Variants in CSMD3 observed in about 807,000 individuals in gnomAD.
CSMD3 encodes CUB and sushi domain-containing protein 3.
Under a neutral mutation model 435.2 loss-of-function variants are expected in CSMD3, and 177 were observed. That is an observed-to-expected ratio of 0.41 (90% CI 0.36 to 0.46). The LOEUF is 0.46. CSMD3 is among the 20% of genes least tolerant of loss of function. The probability of loss-of-function intolerance (pLI) is 0.34; values close to 1 mark genes in which losing one functional copy is unlikely to be tolerated. For synonymous variants in CSMD3, 1,656 were observed against 1,520.5 expected (o/e 1.09, Z -2.07); for missense variants, 4,265 against 4,504.6 (o/e 0.95, Z 1.52).
At chr8:112,390,376 G>A (rs1830309985) in intron 36 of CSMD3, among the ~76,000 whole-genome samples, 3 of 152,146 alleles carry the variant, frequency 2.0e-5, no homozygotes, top group African/African-American at 2.4e-5. Context: ...AATAACGTGG[G>A]TGAGGAAAGA....
At chr8:112,891,545 C>G (rs1396582601) in intron 10 of CSMD3, among the ~76,000 whole-genome samples, 7 of 151,384 alleles carry the variant, frequency 4.6e-5, no homozygotes, top group Admixed American at 4.6e-4. Flanking sequence ...TTCTGATTTT[C>G]CAGGTATCAG....
At chr8:112,900,540 C>T (rs557142824) in intron 10 of CSMD3, among the ~76,000 whole-genome samples, 1 of 151,330 alleles carries the variant, frequency 6.6e-6, no homozygotes, top group South Asian at 2.1e-4. Context: ...GGCACTGAGG[C>T]TAATACTGTG....
chr8:112,538,946 C>T (rs1826395734), intron 27 of CSMD3: 1 of 152,414 alleles, frequency 6.6e-6, no homozygotes, highest in Non-Finnish European at 1.5e-5. Flanking sequence ...TGGAGTCCAA[C>T]TCATTATGAA....
intron 3 of CSMD3, among the ~76,000 whole-genome samples, chr8:113,257,343 G>A (rs1044192429): frequency 9.2e-5 from 14 of 152,176 alleles, no homozygotes; most frequent in Admixed American, 3.3e-4. Flanking sequence ...CCCAGGAGGC[G>A]GAGTTTGCAG....
chr8:112,847,117 T>G (rs2080346156), intron 11 of CSMD3, among the ~76,000 whole-genome samples: 1 of 152,148 alleles, frequency 6.6e-6, no homozygotes, highest in African/African-American at 2.4e-5. Context: ...AGTTTATCCC[T>G]GTACTGCTGC....
At chr8:113,275,024 T>C (rs2093558948) in intron 3 of CSMD3, among the ~76,000 whole-genome samples, 1 of 152,080 alleles carries the variant, frequency 6.6e-6, no homozygotes, top group Non-Finnish European at 1.5e-5. Flanking sequence ...ACAAATATAC[T>C]GTATGTCCCC....
intron 8 of CSMD3, among the ~76,000 whole-genome samples, chr8:112,949,390 A>G (rs1564138701): frequency 6.6e-6 from 1 of 152,006 alleles, no homozygotes; most frequent in African/African-American, 2.4e-5. Flanking sequence ...CTTGCTATAC[A>G]ATCTCTCTTT....
chr8:112,599,541 A>T (rs1351151523), intron 22 of CSMD3, among the ~76,000 whole-genome samples: 1 of 151,904 alleles, frequency 6.6e-6, no homozygotes, highest in Non-Finnish European at 1.5e-5. Flanking sequence ...AGGACTATAA[A>T]TCATGCTGCT....
At chr8:112,697,192 A>G (rs1157637480) in intron 13 of CSMD3, among the ~76,000 whole-genome samples, 8 of 152,182 alleles carry the variant, frequency 5.3e-5, no homozygotes, top group African/African-American at 1.9e-4. Flanking sequence ...CTCTGGAACT[A>G]GAAATACCAT....
chr8:112,528,867 C>T (rs1825246806), intron 27 of CSMD3, among the ~76,000 whole-genome samples: 1 of 152,038 alleles, frequency 6.6e-6, no homozygotes, highest in Admixed American at 6.6e-5. Context: ...AGCACCCCAA[C>T]CATTCCAAGA....
intron 38 of CSMD3, among the ~76,000 whole-genome samples, chr8:112,373,405 A>C (rs16883478): frequency 0.033 from 4,952 of 152,056 alleles, 272 homozygotes; most frequent in African/African-American, 0.11. Flanking sequence ...AAAAGTTAAT[A>C]TGCCCACCCT....
intron 19 of CSMD3, among the ~76,000 whole-genome samples, chr8:112,649,028 C>A (rs1212101618): frequency 5.3e-5 from 8 of 152,168 alleles, no homozygotes; most frequent in South Asian, 2.1e-4. Flanking sequence ...AGATACAGGG[C>A]TATCAACTTC....
At chr8:112,758,232 T>C (rs1311141613) in intron 13 of CSMD3, among the ~76,000 whole-genome samples, 9 of 151,740 alleles carry the variant, frequency 5.9e-5, no homozygotes, top group Non-Finnish European at 1.0e-4. Flanking sequence ...CAGGCACCTA[T>C]AATCCCAGCT....
intron 2 of CSMD3, chr8:113,313,926 A>G (rs577269256): frequency 3.9e-5 from 6 of 152,186 alleles, no homozygotes; most frequent in Non-Finnish European, 8.8e-5. Context: ...TTCTAATTTT[A>G]CATAACCTCT....
intron 60 of CSMD3, 81 bp from the exon 61 acceptor site, chr8:112,263,893 A>C: frequency 8.0e-7 from 1 of 1,244,706 alleles, no homozygotes; most frequent in East Asian, 2.4e-5. Context: ...TCATTAGAAG[A>C]AGCACATGTG....
At chr8:113,171,746 G>T (rs967600068) in intron 4 of CSMD3, among the ~76,000 whole-genome samples, 12 of 152,134 alleles carry the variant, frequency 7.9e-5, no homozygotes, top group African/African-American at 2.9e-4. Context: ...GCTTTTGGGA[G>T]ACATTTCTCC....
chr8:112,283,877 A>C (rs1442851911), intron 58 of CSMD3, among the ~76,000 whole-genome samples: 1 of 151,862 alleles, frequency 6.6e-6, no homozygotes, highest in African/African-American at 2.4e-5. Context: ...ACATTTCAAA[A>C]TAGCTAGAAG....
chr8:113,024,781 T>C (rs900895453), intron 5 of CSMD3, among the ~76,000 whole-genome samples: 2 of 152,152 alleles, frequency 1.3e-5, no homozygotes, highest in African/African-American at 4.8e-5. Context: ...CCATTGCCAA[T>C]TTTTTCATCA....
chr8:113,366,076 A>G (rs2094309538), intron 1 of CSMD3, among the ~76,000 whole-genome samples: 1 of 152,048 alleles, frequency 6.6e-6, no homozygotes. Flanking sequence ...TGTTTCACCA[A>G]AAAAGGTGGG....
Sources: allele counts gnomAD v4.1 joint callset (sites outside exome capture counted in the v4.1 genomes callset), GRCh38; gene constraint gnomAD v4.1.1; transcripts MANE v1.5; gene names NCBI Gene and HGNC (gene_info 2026-07-23, HGNC 2026-07-21).